The following REV3L variants were observed in gnomAD, a reference collection of about 807,000 sequenced individuals.
REV3L encodes REV3 like, DNA directed polymerase zeta catalytic subunit.
In REV3L, 69 loss-of-function variants were observed where a neutral mutation model predicts 299.4. The ratio of observed to expected loss-of-function variants is 0.23; its 90% CI spans 0.19 to 0.28. REV3L has a LOEUF of 0.28. REV3L is among the 10% of genes least tolerant of loss of function. REV3L has a pLI of 1.00. For missense variants in REV3L, 3,128 were observed against 3,693.8 expected, an observed-to-expected ratio of 0.85 and a Z score of 3.97; for synonymous variants, 1,238 against 1,271.4, an observed-to-expected ratio of 0.97 and a Z score of 0.56.
Position 111,405,538 on chromosome 6 carries a change from T to C in REV3L, c.497A>G (p.Asp166Gly). The change falls in exon 4 of 32, where the codon GAC becomes GGC. Residue 166 changes from aspartate to glycine, a missense_variant. By Grantham distance (94) the Asp-to-Gly change is moderately conservative. Around this residue, in one of 9 missense-constraint regions of REV3L, gnomAD observed 2,409 missense variants for 2,611.8 expected, o/e 0.92. Transcript: ENST00000368802. ...HIPYLLQLFIDYNLYGMNLIN... is the reference protein window; with the variant it reads ...HIPYLLQLFIGYNLYGMNLIN... ...TAAATTCATGCCATAAAGATTGTAG[T>C]CAATGAAGAGCTGTAGGAGGTAGGG... 1 of 1,609,616 alleles carries C rather than the reference T, an allele frequency of 6.2e-7. No individual in the cohort carries two copies. The highest frequency in any genetic ancestry group is 8.5e-7 in the Non-Finnish European group (1 of 1,177,924).
chr6:111,464,158 T>C (rs910973443), intron 1 of REV3L, among the ~76,000 whole-genome samples: 1 of 151,954 alleles, frequency 6.6e-6, no homozygotes, highest in African/African-American at 2.4e-5. Flanking sequence ...AATATGTTAG[T>C]TCCCATATAC....
At chr6:111,341,584 C>T (rs1337050549) in intron 21 of REV3L, among the ~76,000 whole-genome samples, 1 of 152,164 alleles carries the variant, frequency 6.6e-6, no homozygotes, top group Non-Finnish European at 1.5e-5. Flanking sequence ...AAATTAGACA[C>T]ATTAATTTAA....
chr6:111,421,627 A>T (rs1000097048), intron 1 of REV3L, among the ~76,000 whole-genome samples: 9 of 149,076 alleles, frequency 6.0e-5, no homozygotes, highest in Non-Finnish European at 8.9e-5. Context: ...TTTTTTTTTT[A>T]AAGCTGATGG....
intron 1 of REV3L, among the ~76,000 whole-genome samples, chr6:111,464,686 TTC>T (rs1263114923): frequency 6.6e-6 from 1 of 151,674 alleles, no homozygotes; most frequent in African/African-American, 2.4e-5. Flanking sequence ...TAAAAATGAG[TTC>T]TGTTATCTAT....
intron 23 of REV3L, among the ~76,000 whole-genome samples, chr6:111,332,221 G>GC (rs1775468116): frequency 6.6e-6 from 1 of 151,990 alleles, no homozygotes; most frequent in Non-Finnish European, 1.5e-5. Flanking sequence ...ACAGGTGCCT[G>GC]CCACCATACC....
intron 1 of REV3L, among the ~76,000 whole-genome samples, chr6:111,477,781 T>C (rs1410749187): frequency 6.6e-6 from 1 of 152,172 alleles, no homozygotes; most frequent in Non-Finnish European, 1.5e-5. Flanking sequence ...TGTAATCAGG[T>C]TTGCATTTTT....
At chr6:111,371,352 T>C (rs766720814) in intron 13 of REV3L, among the ~76,000 whole-genome samples, 25 of 152,152 alleles carry the variant, frequency 1.6e-4, no homozygotes, top group Non-Finnish European at 3.4e-4. Context: ...CTATTTGCTG[T>C]GTGTGTGCGT....
chr6:111,473,416 G>A (rs17510388), intron 1 of REV3L, among the ~76,000 whole-genome samples: 3,583 of 151,948 alleles, frequency 0.024, 59 homozygotes, highest in Admixed American at 0.063. Context: ...TGTAATTATA[G>A]TACCAGAGGA....
chr6:111,389,369 C>A (rs1351258768), intron 6 of REV3L, among the ~76,000 whole-genome samples, 159 bp from the exon 7 acceptor site: 1 of 152,154 alleles, frequency 6.6e-6, no homozygotes, highest in Non-Finnish European at 1.5e-5. Context: ...CTATGTTACT[C>A]CTTTTTTAGT....
In REV3L at chr6:111,299,978, G is replaced by GA. The variant is rs769830340; in HGVS notation, c.*37dup. 2.5e-6 allele frequency: 4 copies of GA among 1,587,628 alleles called. No homozygotes were observed. The African/African-American group carries it at 4.1e-5, about 16-fold the overall frequency. On this transcript the variant is annotated 3_prime_UTR_variant, in exon 32 of 32. Transcript: ENST00000368802. ...GCACAACAGTTTAGTGGTAAGCACT[G>GA]AAAAAAATAGCACCTGTAATACTGT...
intron 25 of REV3L, 110 bp from the exon 26 acceptor site, chr6:111,322,788 G>A: frequency 2.6e-6 from 2 of 772,124 alleles, no homozygotes; most frequent in South Asian, 1.9e-5. Flanking sequence ...AATGAAACGA[G>A]AAAAGAACGT....
At chr6:111,330,502 C>T (rs1356131568) in intron 24 of REV3L, among the ~76,000 whole-genome samples, 2 of 152,086 alleles carry the variant, frequency 1.3e-5, no homozygotes, top group African/African-American at 4.8e-5. Flanking sequence ...CAATTAAAAT[C>T]TCAGGTATAG....
At chr6:111,450,786 G>A (rs149705745) in intron 1 of REV3L, among the ~76,000 whole-genome samples, 2,104 of 152,228 alleles carry the variant, frequency 0.014, 43 homozygotes, top group African/African-American at 0.048. Context: ...TCACTCTAAC[G>A]TCTGGGTTTC....
upstream of REV3L, chr6:111,483,644 C>A: frequency 2.3e-6 from 1 of 430,424 alleles, no homozygotes; most frequent in Non-Finnish European, 4.6e-6. Flanking sequence ...CGGGGGCAGC[C>A]GCTGAGACGG....
At chr6:111,413,972 C>T (rs1784512165) in intron 2 of REV3L, among the ~76,000 whole-genome samples, 1 of 152,022 alleles carries the variant, frequency 6.6e-6, no homozygotes, top group Non-Finnish European at 1.5e-5. Context: ...AACATAATTG[C>T]TCCTGTTATA....
intron 14 of REV3L, 36 bp from the exon 15 acceptor site, chr6:111,365,380 A>G: frequency 8.2e-7 from 1 of 1,218,688 alleles, no homozygotes; most frequent in Non-Finnish European, 1.2e-6. Flanking sequence ...CATGTATATC[A>G]AAATTACCTG....
At position 111,373,982 on chromosome 6, in the gene REV3L, C is replaced by G; in HGVS notation, c.4373G>C (p.Cys1458Ser). 1.2e-6 allele frequency: 2 copies of G among 1,614,108 alleles called. No homozygotes were observed. The highest frequency in any genetic ancestry group is 1.7e-6 in the Non-Finnish European group (2 of 1,179,984). Residue 1458 changes from cysteine (C) to serine (S), a missense_variant, in exon 13 of 32, where the codon TGC becomes TCC. Cys to Ser is a moderately radical substitution (Grantham distance 112). Coordinates refer to ENST00000368802, the MANE Select transcript of REV3L (RefSeq NM_001372078.1). The part of the protein sequence containing the change: ...ASEESQMPNN[C>S]FVTSLRSPIK... ...TGGACTTCTCAAGGAAGTTACAAAGCAATTATTAGGCATTTGGCTTTCCTC... is the reference window on the plus strand; with the variant it reads ...TGGACTTCTCAAGGAAGTTACAAAGGAATTATTAGGCATTTGGCTTTCCTC...
intron 31 of REV3L, among the ~76,000 whole-genome samples, chr6:111,303,367 TTTTAA>T (rs947271058): frequency 7.3e-5 from 11 of 150,826 alleles, no homozygotes; most frequent in Admixed American, 2.0e-4. Flanking sequence ...ATTATTTTAT[TTTTAA>T]TTTATTATTT....
chr6:111,446,803 G>A (rs748168099), intron 1 of REV3L, among the ~76,000 whole-genome samples: 16 of 152,088 alleles, frequency 1.1e-4, no homozygotes, highest in Non-Finnish European at 1.9e-4. Context: ...CTTTTGTAAA[G>A]CCTTAGGAGA....
Sources: gnomAD v4.1 joint callset for allele counts (sites outside exome capture counted in the v4.1 genomes callset) on GRCh38, gnomAD v4.1.1 for gene constraint, gnomAD v4.1.1 regional missense constraint, MANE v1.5 for transcripts, NCBI Gene and HGNC (gene_info 2026-07-23, HGNC 2026-07-21) for gene names.